The following DZIP3 variants were observed in gnomAD, a reference collection of about 807,000 sequenced individuals.
The protein encoded by DZIP3 is DAZ interacting zinc finger protein 3, also known as E3 ubiquitin-protein ligase DZIP3.
Under a neutral mutation model 162.0 loss-of-function variants are expected in DZIP3, and 118 were observed. The ratio of observed to expected loss-of-function variants is 0.73; its 90% CI spans 0.63 to 0.85. DZIP3 has a LOEUF of 0.85. DZIP3 is among the 40% of genes least tolerant of loss of function. The pLI, the probability that DZIP3 is intolerant of heterozygous loss-of-function variation, is 0.00. For missense variants in DZIP3, 1,331 were observed against 1,407.0 expected (o/e 0.95, Z 0.86); for synonymous variants, 438 against 458.6 (o/e 0.96, Z 0.57).
chr3:108,636,838 C>T, intron 11 of DZIP3, 130 bp downstream of exon 11: 1 of 614,720 alleles, frequency 1.6e-6, no homozygotes, highest in Non-Finnish European at 2.8e-6. Flanking sequence ...GGTGACTGAG[C>T]TCTTGAACCT....
At chr3:108,608,429 A>G (rs1272462597) in intron 3 of DZIP3, among the ~76,000 whole-genome samples, 3 of 152,170 alleles carry the variant, frequency 2.0e-5, no homozygotes, top group African/African-American at 7.2e-5. Flanking sequence ...TAACCCAACA[A>G]TCATTTTTAA....
chr3:108,609,083 G>A lies in DZIP3; in HGVS notation c.102+925G>A, dbSNP rs1940554519. On this transcript the variant is annotated intron_variant, in intron 3 of 32. Coordinates refer to ENST00000361582, the MANE Select transcript of DZIP3 (RefSeq NM_014648.4). ...GATCTTGTGGGAACTCTTATCATGCGACAGCACTAGGGAGATGATGCTAAA... is the reference window on the plus strand; with the variant it reads ...GATCTTGTGGGAACTCTTATCATGCAACAGCACTAGGGAGATGATGCTAAA... Among the ~76,000 whole-genome samples, 3 of 152,130 alleles carry A rather than the reference G, an allele frequency of 2.0e-5. No individual in the cohort carries two copies. In the South Asian group the frequency reaches 6.2e-4, roughly 32 times the overall value.
At chr3:108,606,030 C>T (rs1940346266) in intron 2 of DZIP3, among the ~76,000 whole-genome samples, 1 of 152,176 alleles carries the variant, frequency 6.6e-6, no homozygotes, top group African/African-American at 2.4e-5. Flanking sequence ...CCTTATTGTT[C>T]AGTCATTCTC....
At chr3:108,632,654 G>T (rs4855567) in intron 8 of DZIP3, among the ~76,000 whole-genome samples, 30,903 of 151,988 alleles carry the variant, frequency 0.2, 3,716 homozygotes, top group East Asian at 0.45. Context: ...TATGCCAGGT[G>T]TTATGCTATG....
At chr3:108,658,030 C>G (rs1943222650) in intron 19 of DZIP3, among the ~76,000 whole-genome samples, 3 of 130,782 alleles carry the variant, frequency 2.3e-5, no homozygotes, top group Non-Finnish European at 5.5e-5. Flanking sequence ...GACTCCCACA[C>G]AATAATCATG....
chr3:108,591,096 G>C (rs1939384865), intron 1 of DZIP3, among the ~76,000 whole-genome samples: 1 of 152,254 alleles, frequency 6.6e-6, no homozygotes, highest in Non-Finnish European at 1.5e-5. Flanking sequence ...GCAACATTTG[G>C]GGAAATGCTT....
chr3:108,684,216 A>G lies in DZIP3; in HGVS notation c.2884A>G (p.Met962Val), dbSNP rs973083206. Residue 962 changes from methionine (M) to valine (V), a missense_variant and splice_region_variant, in exon 27 of 33, where the codon ATG becomes GTG. Physicochemically the swap from Met to Val is conservative, Grantham distance 21. Transcript: ENST00000361582. ...PPPPPSPEIL[M>V]QQFLGRPLVK... is the part of the protein sequence containing the mutation. ...TTATTGTTTATATTTTCTATTTTAG[A>G]TGCAGCAGTTCTTAGGAAGACCTCT... 1.9e-6 allele frequency: 3 copies of G among 1,604,882 alleles called. No homozygotes were observed. The highest frequency in any genetic ancestry group is 2.7e-5 in the African/African-American group (2 of 74,308).
intron 8 of DZIP3, among the ~76,000 whole-genome samples, chr3:108,630,324 G>T (rs1433410122): frequency 6.6e-6 from 1 of 151,920 alleles, no homozygotes; most frequent in Non-Finnish European, 1.5e-5. Flanking sequence ...TGTTTTACCT[G>T]ACTTTAAGGC....
At chr3:108,681,302 T>G (rs1319801906) in intron 26 of DZIP3, among the ~76,000 whole-genome samples, 1 of 152,034 alleles carries the variant, frequency 6.6e-6, no homozygotes, top group Non-Finnish European at 1.5e-5. Flanking sequence ...AAGAAGACAT[T>G]TATGTGGCCA....
At chr3:108,589,608 C>T (rs1175643234), upstream of DZIP3, 1 of 399,144 alleles carries the variant, frequency 2.5e-6, no homozygotes, top group Admixed American at 4.4e-5. Flanking sequence ...GGAGCTGCCC[C>T]CGCTAACCCA....
At chr3:108,656,670 G>A (rs1423170658) in intron 19 of DZIP3, among the ~76,000 whole-genome samples, 1 of 151,968 alleles carries the variant, frequency 6.6e-6, no homozygotes, top group Non-Finnish European at 1.5e-5. Flanking sequence ...TTGAGAGAAG[G>A]CTTCAGACGA....
At chr3:108,687,562 A>G (rs1001360964) in intron 28 of DZIP3, among the ~76,000 whole-genome samples, 4 of 152,182 alleles carry the variant, frequency 2.6e-5, no homozygotes, top group South Asian at 2.1e-4. Flanking sequence ...TAACACTGAT[A>G]AAGAAGAGAG....
At chr3:108,604,885 A>G (rs1455701324) in intron 1 of DZIP3, among the ~76,000 whole-genome samples, 1 of 152,202 alleles carries the variant, frequency 6.6e-6, no homozygotes, top group Non-Finnish European at 1.5e-5. Flanking sequence ...ATTGTAAAGA[A>G]ATAATCACAA....
chr3:108,628,817 C>T (rs1269822235), intron 7 of DZIP3, among the ~76,000 whole-genome samples: 2 of 152,152 alleles, frequency 1.3e-5, no homozygotes, highest in Non-Finnish European at 2.9e-5. Context: ...TCTACAGTCC[C>T]TTTAATTACC....
Position 108,633,075 on chromosome 3 carries a change from AC to A in DZIP3, c.816+4del, listed in dbSNP as rs770112389. ...TTTTGAAGAACACCAGTTATAAGGT[AC>A]TGTAATTGTCAATTAACAGTATTTT... On this transcript the variant is annotated splice_donor_region_variant and intron_variant, in intron 9 of 32. Coordinates refer to ENST00000361582, the MANE Select transcript of DZIP3 (RefSeq NM_014648.4). The A allele has an allele frequency of 7.2e-7, 1 of 1,385,612 alleles. No homozygotes were observed. Among genetic ancestry groups the A allele is most frequent in the East Asian group, 2.7e-5 (1 of 36,544 alleles). The allele number at this position is 1,385,612 out of a possible 1,614,324, so 85.8% of individuals were successfully genotyped here. A position where few individuals can be genotyped will look rare whatever the true frequency, so the allele number is the denominator to read the frequency against.
chr3:108,604,942 T>C (rs1179865447), intron 1 of DZIP3, among the ~76,000 whole-genome samples: 1 of 151,980 alleles, frequency 6.6e-6, no homozygotes, highest in African/African-American at 2.4e-5. Flanking sequence ...TGGAACTATT[T>C]ATAATAGAAA....
intron 11 of DZIP3, 126 bp from the exon 12 acceptor site, chr3:108,637,370 T>C: frequency 1.2e-6 from 1 of 852,702 alleles, no homozygotes; most frequent in Admixed American, 3.0e-5. Flanking sequence ...ATTCATGTTT[T>C]GTTTGTTTTA....
At chr3:108,653,318 T>C (rs1011961883) in intron 18 of DZIP3, among the ~76,000 whole-genome samples, 1 of 151,474 alleles carries the variant, frequency 6.6e-6, no homozygotes, top group African/African-American at 2.4e-5. Context: ...TATCTTAGAG[T>C]TTCTATTCAC....
chr3:108,628,815 C>G (rs1340830717), intron 7 of DZIP3, among the ~76,000 whole-genome samples: 1 of 152,116 alleles, frequency 6.6e-6, no homozygotes, highest in Non-Finnish European at 1.5e-5. Flanking sequence ...ACTCTACAGT[C>G]CCTTTAATTA....
Sources: allele counts gnomAD v4.1 joint callset (sites outside exome capture counted in the v4.1 genomes callset), GRCh38; gene constraint gnomAD v4.1.1; transcripts MANE v1.5; gene names NCBI Gene and HGNC (gene_info 2026-07-23, HGNC 2026-07-21).